The following FBXL13 variants were observed in gnomAD, a reference collection of about 807,000 sequenced individuals.
FBXL13 encodes the protein F-box and leucine rich repeat protein 13, also known as F-box and leucine-rich repeat protein 13.
In FBXL13, 67 loss-of-function variants were observed where a neutral mutation model predicts 83.6. The observed-to-expected ratio is 0.80, with a 90% CI of 0.66 to 0.98. FBXL13 has a LOEUF of 0.98. Among genes scored for constraint, FBXL13 ranks in the 50% least tolerant of loss-of-function variants. FBXL13 has a pLI of 0.00. For missense variants in FBXL13, 822 were observed against 866.5 expected (o/e 0.95, Z 0.64); for synonymous variants, 272 against 299.5 (o/e 0.91, Z 0.95).
intron 17 of FBXL13, among the ~76,000 whole-genome samples, chr7:102,835,614 T>G (rs1782849880): frequency 1.1e-5 from 1 of 92,152 alleles, no homozygotes; most frequent in South Asian, 3.2e-4. Flanking sequence ...TTTTTTTTTT[T>G]TTTTTTTTTT....
At chr7:102,876,442 G>A (rs184564977) in intron 16 of FBXL13, among the ~76,000 whole-genome samples, 23 of 152,260 alleles carry the variant, frequency 1.5e-4, no homozygotes, top group Non-Finnish European at 2.6e-4. Context: ...GGAAGAGGAG[G>A]TCATCTAGCA....
intron 18 of FBXL13, among the ~76,000 whole-genome samples, chr7:102,831,205 T>C (rs575964497): frequency 4.8e-4 from 73 of 152,190 alleles, no homozygotes; most frequent in African/African-American, 1.7e-3. Flanking sequence ...GCACTCAGCA[T>C]TGAGTCACTT....
chr7:103,058,600 T>C (rs1797564233), intron 1 of FBXL13, among the ~76,000 whole-genome samples: 1 of 152,168 alleles, frequency 6.6e-6, no homozygotes, highest in Admixed American at 6.5e-5. Context: ...TACATCCTTT[T>C]CTCCATCTTA....
chr7:103,020,163 G>A (rs1415567348), intron 6 of FBXL13, among the ~76,000 whole-genome samples: 9 of 152,124 alleles, frequency 5.9e-5, no homozygotes, highest in Admixed American at 5.9e-4. Flanking sequence ...TGCAAGGCTG[G>A]TTCAACATAT....
intron 10 of FBXL13, among the ~76,000 whole-genome samples, chr7:102,925,883 A>G (rs1818021064): frequency 6.7e-6 from 1 of 150,060 alleles, no homozygotes; most frequent in Non-Finnish European, 1.5e-5. Flanking sequence ...GTAGGTTGCC[A>G]TGAGCTAAGA....
chr7:102,950,841 G>T (rs1459452250), intron 8 of FBXL13, among the ~76,000 whole-genome samples: 1 of 152,156 alleles, frequency 6.6e-6, no homozygotes, highest in Non-Finnish European at 1.5e-5. Context: ...GTGGTTGTCA[G>T]AAGCTAGCAG....
intron 2 of FBXL13, among the ~76,000 whole-genome samples, chr7:103,048,292 C>G (rs560913232): frequency 6.6e-6 from 1 of 151,892 alleles, no homozygotes; most frequent in Non-Finnish European, 1.5e-5. Context: ...AAGTCACTCA[C>G]TTAGCCAAAA....
At chr7:102,948,622 A>G (rs955736378) in intron 8 of FBXL13, among the ~76,000 whole-genome samples, 1 of 151,600 alleles carries the variant, frequency 6.6e-6, no homozygotes, top group African/African-American at 2.4e-5. Flanking sequence ...ATGGGGTTTC[A>G]CCATGTTAGC....
intron 11 of FBXL13, among the ~76,000 whole-genome samples, chr7:102,910,003 G>A (rs1173192544): frequency 1.3e-5 from 2 of 152,154 alleles, no homozygotes; most frequent in African/African-American, 2.4e-5. Flanking sequence ...TGCCTTTCAA[G>A]TTTACCTGGA....
intron 6 of FBXL13, among the ~76,000 whole-genome samples, chr7:103,020,854 C>G (rs1793073628): frequency 6.6e-6 from 1 of 152,054 alleles, no homozygotes; most frequent in Admixed American, 6.6e-5. Flanking sequence ...AAATGGAAAA[C>G]AATTCCATGC....
chr7:103,073,737 A>G (rs1348278474), intron 1 of FBXL13, among the ~76,000 whole-genome samples: 1 of 152,094 alleles, frequency 6.6e-6, no homozygotes, highest in Non-Finnish European at 1.5e-5. Flanking sequence ...CTTAATAAAT[A>G]TTTCTCAATT....
At chr7:102,917,838 G>A (rs1334524632) in intron 10 of FBXL13, among the ~76,000 whole-genome samples, 1 of 152,162 alleles carries the variant, frequency 6.6e-6, no homozygotes, top group Admixed American at 6.5e-5. Context: ...GTGCCACCTA[G>A]GTTGTGACAA....
chr7:102,866,565 C>T (rs1019643484), intron 16 of FBXL13, among the ~76,000 whole-genome samples: 1 of 152,156 alleles, frequency 6.6e-6, no homozygotes, highest in African/African-American at 2.4e-5. Context: ...CTCATTCTTC[C>T]TATTTCTTGA....
At chr7:102,988,172 G>A (rs1230439249) in intron 6 of FBXL13, 1 of 152,234 alleles carries the variant, frequency 6.6e-6, no homozygotes, top group East Asian at 1.9e-4. Flanking sequence ...AAAACCAAGT[G>A]GGAGTACTGT....
chr7:102,834,082 A>AAGGAAGG (rs1208174430), intron 17 of FBXL13, among the ~76,000 whole-genome samples: 1 of 80,162 alleles, frequency 1.2e-5, no homozygotes, highest in African/African-American at 7.2e-5. Context: ...GGAAGGAAGG[A>AAGGAAGG]AAGAAAAGAA....
chr7:102,839,391 C>T (rs1479063199), intron 17 of FBXL13, among the ~76,000 whole-genome samples: 1 of 152,184 alleles, frequency 6.6e-6, no homozygotes, highest in African/African-American at 2.4e-5. Context: ...GAGCGCCAGT[C>T]CCCTGGGCCC....
chr7:102,871,256 C>A (rs576165898), intron 16 of FBXL13, among the ~76,000 whole-genome samples: 16 of 152,138 alleles, frequency 1.1e-4, no homozygotes, highest in Non-Finnish European at 2.2e-4. Flanking sequence ...GCCTGAATAT[C>A]CCACAGATTC....
intron 17 of FBXL13, among the ~76,000 whole-genome samples, chr7:102,834,311 T>G (rs1213524027): frequency 6.7e-6 from 1 of 149,192 alleles, no homozygotes; most frequent in African/African-American, 2.4e-5. Flanking sequence ...TACCATTAAT[T>G]TTAGTTGTAA....
intron 18 of FBXL13, among the ~76,000 whole-genome samples, chr7:102,830,639 C>A (rs1800499184): frequency 6.6e-6 from 1 of 152,188 alleles, no homozygotes. Context: ...GCTGCCTCCT[C>A]CTTTTTATTG....
Sources: allele counts gnomAD v4.1 joint callset (sites outside exome capture counted in the v4.1 genomes callset), GRCh38; gene constraint gnomAD v4.1.1; transcripts MANE v1.5; gene names NCBI Gene and HGNC (gene_info 2026-07-23, HGNC 2026-07-21).